The following EFCC1 variants were observed in gnomAD, a reference collection of about 807,000 sequenced individuals.
The protein encoded by EFCC1 is EF-hand and coiled-coil domain containing 1.
EFCC1 carries 50 observed loss-of-function variants against 52.1 expected under a neutral mutation model. The observed-to-expected ratio is 0.96, with a 90% CI of 0.76 to 1.21. EFCC1 has a LOEUF of 1.21. EFCC1 is among the 50% of genes most tolerant of loss of function. The pLI, the probability that EFCC1 is intolerant of heterozygous loss-of-function variation, is 0.00. For synonymous variants in EFCC1, 399 were observed against 396.5 expected (o/e 1.01, Z -0.08); for missense variants, 837 against 867.3 (o/e 0.97, Z 0.44).
Position 129,001,495 on chromosome 3 carries a change from C to T in EFCC1, c.-134C>T, listed in dbSNP as rs1944742739. On this transcript the variant is annotated 5_prime_UTR_variant, in exon 1 of 8. It adds an upstream start codon to the 5' untranslated region. Coordinates refer to ENST00000683648, the MANE Select transcript of EFCC1 (RefSeq NM_001377500.1). ...GTGAGGCCAGCGCAGCTGCTGGACACGGTCCCCGGCGCCGCTCCAACCAGA... is the reference window on the plus strand; with the variant it reads ...GTGAGGCCAGCGCAGCTGCTGGACATGGTCCCCGGCGCCGCTCCAACCAGA... The T allele has an allele frequency of 3.1e-6, 4 of 1,278,500 alleles. No individual in the cohort carries two copies. Among genetic ancestry groups the T allele is most frequent in the Non-Finnish European group, 4.0e-6 (4 of 1,003,382 alleles). The allele number at this position is 1,278,500 out of a possible 1,614,324, so 79.2% of individuals were successfully genotyped here. A position where few individuals can be genotyped will look rare whatever the true frequency, so the allele number is the denominator to read the frequency against.
chr3:129,013,458 A>G (rs1311949779), intron 2 of EFCC1, among the ~76,000 whole-genome samples: 2 of 152,164 alleles, frequency 1.3e-5, no homozygotes, highest in African/African-American at 2.4e-5. Flanking sequence ...GCTACCTGGA[A>G]TCTCTTTCTT....
intron 2 of EFCC1, among the ~76,000 whole-genome samples, chr3:129,022,233 G>A (rs749699029): frequency 3.3e-5 from 5 of 152,204 alleles, no homozygotes; most frequent in Non-Finnish European, 7.3e-5. Flanking sequence ...GGACCGCCAG[G>A]CCCAGCTAGC....
chr3:129,034,128 AG>A (rs1559975816), intron 4 of EFCC1, 35 bp from the exon 5 acceptor site: 1 of 1,613,046 alleles, frequency 6.2e-7, no homozygotes, highest in African/African-American at 1.3e-5. Flanking sequence ...TCTGGGAAGC[AG>A]CCCCCTGCAA....
At chr3:129,004,445 A>G (rs1412745921) in intron 2 of EFCC1, among the ~76,000 whole-genome samples, 1 of 128,336 alleles carries the variant, frequency 7.8e-6, no homozygotes. Context: ...CCACTCACCT[A>G]CCCACCCGTC....
At chr3:129,016,649 T>C (rs1945597748) in intron 2 of EFCC1, among the ~76,000 whole-genome samples, 1 of 152,084 alleles carries the variant, frequency 6.6e-6, no homozygotes, top group Non-Finnish European at 1.5e-5. Context: ...GAGACAGAGC[T>C]ACAGCTGCAG....
rs115299048 is a variant in EFCC1 at position 129,016,715 on chromosome 3, C to A, written c.980+12638C>A. Among the ~76,000 whole-genome samples the A allele has an allele frequency of 4.6e-3, 693 of 152,224 alleles. 8 individuals are homozygous for A. The highest frequency in any genetic ancestry group is 0.015 in the African/African-American group (634 of 41,570). ...CCCCACTTCTCTGGTCAAACCCTGA[C>A]TCGTACAGGGCCTGAGGCAGGAGGG... On this transcript the variant is annotated intron_variant, in intron 2 of 7. Coordinates refer to ENST00000683648, the MANE Select transcript of EFCC1 (RefSeq NM_001377500.1).
At chr3:129,030,658 C>T (rs1946253963) in intron 2 of EFCC1, 45 bp from the exon 3 acceptor site, 1 of 1,539,594 alleles carries the variant, frequency 6.5e-7, no homozygotes, top group East Asian at 2.4e-5. Flanking sequence ...ATGGAAGAGT[C>T]CTGTACTCTC....
rs774001922 is a variant in EFCC1, at chr3:129,032,978, G to A, written c.1286+12G>A. 2.0e-4 allele frequency: 300 copies of A among 1,520,742 alleles called. No homozygotes were observed. Among genetic ancestry groups the A allele is most frequent in the Non-Finnish European group, 2.3e-4 (265 of 1,129,738 alleles). 94.2% of individuals were successfully genotyped at this position (1,520,742 alleles called of 1,614,324 possible). ...AGCTGCAGAGGCAGGTGTGTGGCCCGTCCAGCGTCAGCCACTGTGGGCCGC... is the reference window on the plus strand; with the variant it reads ...AGCTGCAGAGGCAGGTGTGTGGCCCATCCAGCGTCAGCCACTGTGGGCCGC... On this transcript the variant is annotated intron_variant, in intron 4 of 7. Coordinates refer to ENST00000683648, the MANE Select transcript of EFCC1 (RefSeq NM_001377500.1).
At chr3:129,018,397 A>G (rs1237287315) in intron 2 of EFCC1, among the ~76,000 whole-genome samples, 6 of 152,262 alleles carry the variant, frequency 3.9e-5, no homozygotes, top group African/African-American at 1.2e-4. Context: ...GGGATATTTC[A>G]TGACATATGA....
At chr3:129,017,346 G>A (rs572655903) in intron 2 of EFCC1, among the ~76,000 whole-genome samples, 15 of 152,202 alleles carry the variant, frequency 9.9e-5, no homozygotes, top group Non-Finnish European at 1.5e-4. Flanking sequence ...AACCATAGCC[G>A]ATCACCACAC....
At chr3:129,036,232 TTCCAGTCACA>T (rs1341226555) in intron 5 of EFCC1, among the ~76,000 whole-genome samples, 2 of 152,248 alleles carry the variant, frequency 1.3e-5, no homozygotes, top group South Asian at 4.1e-4. Flanking sequence ...TTAGCTGGCC[TTCCAGTCACA>T]TCCCTAAAGA....
At chr3:129,009,324 G>A (rs79211169) in intron 2 of EFCC1, among the ~76,000 whole-genome samples, 1,813 of 152,268 alleles carry the variant, frequency 0.012, 31 homozygotes, top group African/African-American at 0.034. Context: ...CTGGATTCAG[G>A]TACTCACGTA....
intron 2 of EFCC1, among the ~76,000 whole-genome samples, chr3:129,026,586 A>C (rs947277949): frequency 1.3e-5 from 2 of 151,444 alleles, no homozygotes; most frequent in Non-Finnish European, 2.9e-5. Context: ...TTGATTACCA[A>C]CTCCCATCTT....
chr3:129,023,796 G>A (rs149872554), intron 2 of EFCC1, among the ~76,000 whole-genome samples: 12 of 152,290 alleles, frequency 7.9e-5, no homozygotes, highest in South Asian at 6.2e-4. Context: ...ATCCTATCAC[G>A]TAGGGTCCAC....
rs188998380 is a variant in EFCC1 at position 129,037,263 on chromosome 3, G to A, written c.1593+146G>A. 2.7e-3 allele frequency: 3,289 copies of A among 1,238,704 alleles called. 7 individuals carry two copies. The highest frequency in any genetic ancestry group is 3.7e-3 in the Middle Eastern group (13 of 3,538). 76.7% of individuals were successfully genotyped at this position (1,238,704 alleles called of 1,614,324 possible). On this transcript the variant is annotated intron_variant, in intron 6 of 7. Coordinates refer to ENST00000683648, the MANE Select transcript of EFCC1 (RefSeq NM_001377500.1). Reference sequence around the variant, plus strand: ...TTACAGATGCAGAAATGGAGGCTCAGAAGAACCAACCAAAAATAGGGTTGG... The same window carrying A: ...TTACAGATGCAGAAATGGAGGCTCAAAAGAACCAACCAAAAATAGGGTTGG...
chr3:129,022,227 C>T (rs559533399), intron 2 of EFCC1, among the ~76,000 whole-genome samples: 3 of 152,268 alleles, frequency 2.0e-5, no homozygotes, highest in South Asian at 2.1e-4. Flanking sequence ...CTCATAGGAC[C>T]GCCAGGCCCA....
intron 7 of EFCC1, 32 bp from the exon 8 acceptor site, chr3:129,039,680 T>G: frequency 6.4e-7 from 1 of 1,567,088 alleles, no homozygotes; most frequent in Non-Finnish European, 8.7e-7. Context: ...AGCAGACTGA[T>G]CCTGCCCTCC....
At chr3:129,023,681 G>A (rs914413545) in intron 2 of EFCC1, among the ~76,000 whole-genome samples, 18 of 152,196 alleles carry the variant, frequency 1.2e-4, no homozygotes, top group African/African-American at 3.9e-4. Flanking sequence ...GGCAAGAGAT[G>A]CTGGGTTTTC....
At chr3:129,003,659 C>T (rs1944909939) in intron 1 of EFCC1, 135 bp from the exon 2 acceptor site, 2 of 916,038 alleles carry the variant, frequency 2.2e-6, no homozygotes, top group South Asian at 4.2e-5. Flanking sequence ...GCCTGGCACC[C>T]GGAAGCAGAC....
Sources: gnomAD v4.1 joint callset for allele counts (sites outside exome capture counted in the v4.1 genomes callset) on GRCh38, gnomAD v4.1.1 for gene constraint, MANE v1.5 for transcripts, NCBI Gene and HGNC (gene_info 2026-07-23, HGNC 2026-07-21) for gene names.